Variants in RBM47 observed in about 807,000 individuals in gnomAD.
RBM47 encodes RNA binding motif protein 47.
A neutral mutation model predicts 47.1 loss-of-function variants in RBM47; 21 were observed. That is an observed-to-expected ratio of 0.45 (90% CI 0.32 to 0.64). RBM47 has a LOEUF of 0.64. RBM47 is among the 30% of genes least tolerant of loss of function. The probability of loss-of-function intolerance (pLI) is 0.05; values close to 1 mark genes in which losing one functional copy is unlikely to be tolerated. For synonymous variants in RBM47, 375 were observed against 361.7 expected (o/e 1.04, Z -0.42); for missense variants, 708 against 870.9 (o/e 0.81, Z 2.35).
chr4:40,523,022 G>C (rs1726352359), intron 2 of RBM47, among the ~76,000 whole-genome samples: 1 of 146,420 alleles, frequency 6.8e-6, no homozygotes. Flanking sequence ...CTGGGGTGCA[G>C]TGGTATGATC....
At chr4:40,536,235 G>A (rs1008377605) in intron 2 of RBM47, among the ~76,000 whole-genome samples, 3 of 152,128 alleles carry the variant, frequency 2.0e-5, no homozygotes, top group South Asian at 2.1e-4. Context: ...GTCTGCCCAC[G>A]GTGCAGCAAC....
At position 40,490,436 on chromosome 4, in the gene RBM47, G is replaced by T. The variant is rs1282610611; in HGVS notation, c.-154-23737C>A. On this transcript the variant is annotated intron_variant, in intron 2 of 6. Transcript: ENST00000295971. The stretch of plus-strand genomic sequence containing the variant: ...AGAACTAATAATCAAGTTCAACAAG[G>T]TTGCAGGACATAAAAGCAATATAGA... 9.2e-5 allele frequency among the ~76,000 whole-genome samples: 14 copies of T among 152,188 alleles called. No individual in the cohort carries two copies. In the East Asian group the frequency reaches 2.7e-3, roughly 29 times the overall value.
intron 2 of RBM47, among the ~76,000 whole-genome samples, chr4:40,475,133 T>C (rs1719420241): frequency 6.6e-6 from 1 of 152,214 alleles, no homozygotes; most frequent in African/African-American, 2.4e-5. Context: ...ATTTCATAAA[T>C]TTAACTATTG....
chr4:40,443,001 C>T (rs1049916441), intron 3 of RBM47, among the ~76,000 whole-genome samples: 5 of 152,154 alleles, frequency 3.3e-5, no homozygotes, highest in South Asian at 2.1e-4. Flanking sequence ...AATTCTGATA[C>T]GTGCTACAAT....
chr4:40,541,874 A>T (rs1728580238), intron 2 of RBM47, among the ~76,000 whole-genome samples: 1 of 152,252 alleles, frequency 6.6e-6, no homozygotes, highest in Non-Finnish European at 1.5e-5. Context: ...TTCTATTTAA[A>T]GCATTATTTT....
At chr4:40,445,977 C>T (rs866600450) in intron 3 of RBM47, among the ~76,000 whole-genome samples, 4 of 152,342 alleles carry the variant, frequency 2.6e-5, no homozygotes, top group Middle Eastern at 6.8e-3. Flanking sequence ...AGGGACTGGG[C>T]ATTCTGGTTT....
At chr4:40,551,160 T>C (rs373103) in intron 1 of RBM47, among the ~76,000 whole-genome samples, 68,473 of 152,002 alleles carry the variant, frequency 0.45, 19,268 homozygotes, top group African/African-American at 0.8. Context: ...TGCTTCTACA[T>C]GAGAGGTATA....
At chr4:40,472,303 G>A (rs1279742933) in intron 2 of RBM47, among the ~76,000 whole-genome samples, 1 of 151,872 alleles carries the variant, frequency 6.6e-6, no homozygotes, top group Admixed American at 6.6e-5. Context: ...TGTCGGGTGC[G>A]GTGGCTCATG....
At chr4:40,533,961 A>C (rs994896320) in intron 2 of RBM47, among the ~76,000 whole-genome samples, 1 of 151,702 alleles carries the variant, frequency 6.6e-6, no homozygotes. Context: ...GATTACAGGC[A>C]TGCACCACCA....
chr4:40,444,663 C>T (rs540941739), intron 3 of RBM47, among the ~76,000 whole-genome samples: 8 of 149,900 alleles, frequency 5.3e-5, no homozygotes, highest in Non-Finnish European at 1.2e-4. Flanking sequence ...TTTTTAAATT[C>T]TAACTGTTTT....
At chr4:40,432,624 T>C (rs781516629) in intron 6 of RBM47, 27 bp downstream of exon 6, 1 of 1,609,794 alleles carries the variant, frequency 6.2e-7, no homozygotes, top group South Asian at 1.1e-5. Context: ...CACACACAAA[T>C]GACAATGCCT....
intron 1 of RBM47, among the ~76,000 whole-genome samples, chr4:40,589,921 T>C (rs920546896): frequency 6.6e-6 from 1 of 152,130 alleles, no homozygotes; most frequent in African/African-American, 2.4e-5. Context: ...ATTTCTTCTT[T>C]TCTACTTTTG....
In RBM47 at chr4:40,426,254, G is replaced by A. The variant is rs1438444896; in HGVS notation, c.1543-111C>T. 5 of 1,413,792 alleles carry A rather than the reference G, an allele frequency of 3.5e-6. No individual in the cohort carries two copies. In the Admixed American group the frequency reaches 9.3e-5, roughly 26 times the overall value. 87.6% of individuals were successfully genotyped at this position (1,413,792 alleles called of 1,614,324 possible). On this transcript the variant is annotated intron_variant, in intron 6 of 6. Transcript: ENST00000295971. ...GGGAATACAAAGACACAAAAGCAAG[G>A]GAGAGAAAGGCAGAGGGGCGGGCAA...
chr4:40,494,513 T>C (rs983190600), intron 2 of RBM47, among the ~76,000 whole-genome samples: 1 of 152,148 alleles, frequency 6.6e-6, no homozygotes, highest in East Asian at 1.9e-4. Context: ...CAGTAATCTG[T>C]GGGAGGGCAA....
chr4:40,509,031 C>G (rs1013858656), intron 2 of RBM47, among the ~76,000 whole-genome samples: 1 of 151,936 alleles, frequency 6.6e-6, no homozygotes, highest in African/African-American at 2.4e-5. Flanking sequence ...TGTGGTGGCG[C>G]GTGCCTGTAG....
At chr4:40,537,088 C>G (rs1482147808) in intron 2 of RBM47, among the ~76,000 whole-genome samples, 1 of 152,098 alleles carries the variant, frequency 6.6e-6, no homozygotes, top group Non-Finnish European at 1.5e-5. Context: ...CTTTTGCCCA[C>G]ATGAATGAAC....
intron 3 of RBM47, among the ~76,000 whole-genome samples, chr4:40,464,480 G>C (rs1347702469): frequency 6.6e-6 from 1 of 150,610 alleles, no homozygotes; most frequent in Non-Finnish European, 1.5e-5. Flanking sequence ...AGTTATGTGA[G>C]TGTGGTCTCT....
At chr4:40,511,419 C>T (rs936589928) in intron 2 of RBM47, among the ~76,000 whole-genome samples, 4 of 152,146 alleles carry the variant, frequency 2.6e-5, no homozygotes, top group South Asian at 2.1e-4. Context: ...CAAACAAGAA[C>T]GCTTGTAGAG....
rs1553890650 is a variant in RBM47, at chr4:40,498,054, T to TATATATATATATATA, written c.-154-31356_-154-31355insTATATATATATATAT. Among the ~76,000 whole-genome samples, 278 of 109,778 alleles carry TATATATATATATATA rather than the reference T, an allele frequency of 2.5e-3. 4 individuals carry two copies. The highest frequency in any genetic ancestry group is 6.0e-3 in the African/African-American group (191 of 31,600). The allele number at this position is 109,778 out of a possible 152,430, so 72.0% of individuals were successfully genotyped here. A position where few individuals can be genotyped will look rare whatever the true frequency, so the allele number is the denominator to read the frequency against. ...TGCAAATAAAATGTAAGTGCTTGTT[T>TATATATATATATATA]TATATATATATATATATATATATAT... On this transcript the variant is annotated intron_variant, in intron 2 of 6. Transcript: ENST00000295971.
Sources: gnomAD v4.1 joint callset for allele counts (sites outside exome capture counted in the v4.1 genomes callset) on GRCh38, gnomAD v4.1.1 for gene constraint, MANE v1.5 for transcripts, NCBI Gene and HGNC (gene_info 2026-07-23, HGNC 2026-07-21) for gene names.